DDX24: variants seen among roughly 807,000 people sequenced by gnomAD.
DDX24 encodes the protein ATP-dependent RNA helicase DDX24.
DDX24 carries 24 observed loss-of-function variants against 68.9 expected under a neutral mutation model. The observed-to-expected ratio is 0.35, with a 90% confidence interval of 0.25 to 0.49. The LOEUF (loss-of-function observed/expected upper bound fraction) is 0.49. Ranked by LOEUF, DDX24 falls within the 20% of genes least tolerant of loss-of-function variation. The probability of loss-of-function intolerance (pLI) is 0.99; values close to 1 mark genes in which losing one functional copy is unlikely to be tolerated. For synonymous variants in DDX24, 395 were observed against 385.2 expected, an observed-to-expected ratio of 1.03 and a Z score of -0.30; for missense variants, 989 against 1,039.0, an observed-to-expected ratio of 0.95 and a Z score of 0.66.
chr14:94,057,840 C>G lies in DDX24; in HGVS notation c.1971G>C (p.Gln657His). 2 of 1,613,816 alleles carry G rather than the reference C, an allele frequency of 1.2e-6. No homozygotes were observed. Among genetic ancestry groups the G allele is most frequent in the Non-Finnish European group, 1.7e-6 (2 of 1,179,884 alleles). Residue 657 changes from glutamine (Q) to histidine (H), a missense_variant, in exon 6 of 9, where the codon CAG becomes CAC. Transcript: ENST00000621632. ...AARGLDIPKV[Q>H]HVIHYQVPRT... ...CCCCTACCTGGTAATGGATGACATG[C>G]TGGACTTTAGGAATATCCAGACCCC...
In DDX24 at chr14:94,050,402, G is replaced by A. The variant is rs140948828; in HGVS notation, c.*789C>T. 1.3e-3 allele frequency: 204 copies of A among 152,444 alleles called. 1 individual carries two copies. The highest frequency in any genetic ancestry group is 2.4e-3 in the Non-Finnish European group (161 of 68,158). The allele number at this position is 152,444 out of a possible 1,614,324, so 9.4% of individuals were successfully genotyped here. A position where few individuals can be genotyped will look rare whatever the true frequency, so the allele number is the denominator to read the frequency against. ...CATGGCAGTGCTCCAGGATGGAGAAGGCCAAAAGGCAATCCAGACCGAGGG... is the reference window on the plus strand; with the variant it reads ...CATGGCAGTGCTCCAGGATGGAGAAAGCCAAAAGGCAATCCAGACCGAGGG... On this transcript the variant is annotated 3_prime_UTR_variant, in exon 9 of 9. Transcript: ENST00000621632.
In DDX24 at chr14:94,049,712, T is replaced by C. The variant is rs1159594883; in HGVS notation, c.*1479A>G. The C allele has an allele frequency of 2.0e-5, 3 of 147,584 alleles. No individual in the cohort carries two copies. The highest frequency in any genetic ancestry group is 1.4e-4 in the Admixed American group (2 of 14,804). 9.1% of individuals were successfully genotyped at this position (147,584 alleles called of 1,614,324 possible). On this transcript the variant is annotated 3_prime_UTR_variant, in exon 9 of 9. Transcript: ENST00000621632. ...GTTTTGAGACCAGCCTACGCCAACA[T>C]AGTGAGACCCCATCTCTACTAAAAA... is the stretch of plus-strand genomic sequence containing the variant.
intron 2 of DDX24, among the ~76,000 whole-genome samples, chr14:94,065,865 A>G (rs551727101): frequency 4.9e-4 from 74 of 152,332 alleles, no homozygotes; most frequent in Middle Eastern, 6.8e-3. Flanking sequence ...TGGGTCCCCA[A>G]GCAGCCCATT....
chr14:94,068,416 G>C (rs1885751501), intron 2 of DDX24, among the ~76,000 whole-genome samples: 1 of 152,116 alleles, frequency 6.6e-6, no homozygotes, highest in Non-Finnish European at 1.5e-5. Flanking sequence ...ATAATAGTGG[G>C]GGACTTCAAT....
intron 2 of DDX24, 162 bp downstream of exon 2, chr14:94,078,863 G>A (rs1885997822): frequency 7.0e-6 from 5 of 715,290 alleles, no homozygotes; most frequent in Non-Finnish European, 1.2e-5. Flanking sequence ...CATTCAAGAA[G>A]AGCATATTTC....
At chr14:94,065,674 C>T (rs904924563) in intron 2 of DDX24, among the ~76,000 whole-genome samples, 4 of 152,188 alleles carry the variant, frequency 2.6e-5, no homozygotes, top group Admixed American at 2.0e-4. Flanking sequence ...CCCCAAATAC[C>T]GTGAGTGCCC....
intron 2 of DDX24, among the ~76,000 whole-genome samples, chr14:94,078,251 T>G (rs1885986389): frequency 6.6e-6 from 1 of 152,196 alleles, no homozygotes; most frequent in South Asian, 2.1e-4. Context: ...GATTTTGGTA[T>G]CCAAGGGAGG....
rs1885611930 is a variant in DDX24, at chr14:94,062,257, A to G, written c.1083T>C (p.Leu361=). ...TTAGATTTCCAGTCTGCTCTTTATC[A>G]AGATTTTCCTCCTCATTCTCATTCT... is the stretch of plus-strand genomic sequence containing the variant. ...PKQNENEEEN[L]DKEQTGNLKQ... The change falls in exon 3 of 9, where the codon CTT becomes CTC. Residue 361 remains leucine (L), a synonymous_variant. Transcript: ENST00000621632. The G allele has an allele frequency of 1.9e-6, 3 of 1,613,952 alleles. No individual in the cohort carries two copies. The highest frequency in any genetic ancestry group is 8.5e-7 in the Non-Finnish European group (1 of 1,180,018).
intron 2 of DDX24, among the ~76,000 whole-genome samples, chr14:94,065,731 C>A (rs1022705424): frequency 2.0e-5 from 3 of 152,188 alleles, no homozygotes; most frequent in East Asian, 1.9e-4. Context: ...CACACACCCC[C>A]ACTAGAGAAG....
intron 7 of DDX24, among the ~76,000 whole-genome samples, chr14:94,054,717 C>T (rs1885458865): frequency 6.6e-6 from 1 of 152,194 alleles, no homozygotes; most frequent in South Asian, 2.1e-4. Flanking sequence ...ATCCAGACAG[C>T]CATGACCACT....
At chr14:94,068,422 T>C (rs1374394822) in intron 2 of DDX24, among the ~76,000 whole-genome samples, 1 of 152,170 alleles carries the variant, frequency 6.6e-6, no homozygotes, top group Non-Finnish European at 1.5e-5. Flanking sequence ...GTGGGGGACT[T>C]CAATACTCCA....
At chr14:94,056,231 G>A (rs1184363393) in intron 6 of DDX24, 1 of 152,226 alleles carries the variant, frequency 6.6e-6, no homozygotes, top group Admixed American at 6.5e-5. Context: ...TCCTGGCAAA[G>A]GAATCTCAAA....
chr14:94,076,154 A>G (rs1004542860), intron 2 of DDX24, among the ~76,000 whole-genome samples: 4 of 152,236 alleles, frequency 2.6e-5, no homozygotes, highest in Non-Finnish European at 5.9e-5. Context: ...GACTGGTACA[A>G]TAGTATTTAC....
intron 2 of DDX24, 48 bp downstream of exon 2, chr14:94,078,976 TA>T: frequency 6.5e-7 from 1 of 1,542,652 alleles, no homozygotes; most frequent in South Asian, 1.2e-5. Context: ...TATTAGCAGC[TA>T]TGGGCTCAAT....
chr14:94,058,892 T>C (rs1438177206), intron 5 of DDX24, among the ~76,000 whole-genome samples: 2 of 152,170 alleles, frequency 1.3e-5, no homozygotes, highest in African/African-American at 2.4e-5. Flanking sequence ...AAAGAGGATA[T>C]TGACAATACA....
rs775662733 is a variant in DDX24 at position 94,079,491 on chromosome 14, T to C, written c.252A>G (p.Glu84=). The C allele has an allele frequency of 1.9e-6, 3 of 1,613,444 alleles. No individual in the cohort carries two copies. The highest frequency in any genetic ancestry group is 2.7e-5 in the African/African-American group (2 of 75,048). ...TAGACTTTCCCTCCTCCTCCTCCTCTTCTTCTGAAACAGCTTGTGCCTTTC... is the reference window on the plus strand; with the variant it reads ...TAGACTTTCCCTCCTCCTCCTCCTCCTCTTCTGAAACAGCTTGTGCCTTTC... ...PKRKAQAVSE[E]EEEEEGKSSS... The change falls in exon 2 of 9, where the codon GAA becomes GAG. Residue 84 remains glutamate (E), a synonymous_variant. Transcript: ENST00000621632.
At chr14:94,079,829 A>T in intron 1 of DDX24, 82 bp from the exon 2 acceptor site, 4 of 1,291,396 alleles carry the variant, frequency 3.1e-6, no homozygotes, top group Admixed American at 4.0e-5. Flanking sequence ...CTAAGCAACT[A>T]GGCCCTACAA....
Position 94,051,349 on chromosome 14 carries a change from TG to T in DDX24, c.2421del (p.Lys808SerfsTer23), listed in dbSNP as rs1400357549. 1.9e-6 allele frequency: 3 copies of T among 1,613,444 alleles called. No individual in the cohort carries two copies. The highest frequency in any genetic ancestry group is 2.5e-6 in the Non-Finnish European group (3 of 1,179,896). On this transcript the variant is annotated frameshift_variant, in exon 9 of 9. Coordinates refer to ENST00000621632, the MANE Select transcript of DDX24 (RefSeq NM_020414.4). LOFTEE classifies it low-confidence loss of function (END_TRUNC). ...SQPLFTESQK[T>X]KYPTQSGKPP... ...GGCTTGCCAGACTGAGTGGGATACT[TG>T]GTTTTCTGGCTCTCCGTAAACAGTG...
intron 2 of DDX24, among the ~76,000 whole-genome samples, chr14:94,075,039 T>G (rs967319552): frequency 3.3e-5 from 5 of 152,202 alleles, no homozygotes; most frequent in Non-Finnish European, 5.9e-5. Flanking sequence ...GATACCATAT[T>G]CATAGACTGG....
Sources: gnomAD v4.1 joint callset for allele counts (sites outside exome capture counted in the v4.1 genomes callset) on GRCh38, gnomAD v4.1.1 for gene constraint, MANE v1.5 for transcripts, NCBI Gene and HGNC (gene_info 2026-07-23, HGNC 2026-07-21) for gene names.